Variants in PALM3 observed in about 807,000 individuals in gnomAD.
PALM3 encodes the protein paralemmin 3, also known as paralemmin-3.
A neutral mutation model predicts 27.9 loss-of-function variants in PALM3; 20 were observed. The ratio of observed to expected loss-of-function variants is 0.72; its 90% CI spans 0.50 to 1.04. The LOEUF (loss-of-function observed/expected upper bound fraction) is 1.04. Ranked by LOEUF, PALM3 falls within the 50% of genes least tolerant of loss-of-function variation. PALM3 has a pLI of 0.00. For missense variants in PALM3, 814 were observed against 869.4 expected (o/e 0.94, Z 0.80); for synonymous variants, 328 against 352.7 (o/e 0.93, Z 0.79).
At chr19:14,055,499 AC>A in intron 5 of PALM3, 74 bp from the exon 6 acceptor site, 1 of 1,428,000 alleles carries the variant, frequency 7.0e-7, no homozygotes, top group African/African-American at 1.5e-5. Flanking sequence ...CTAGGCTCCC[AC>A]CCCACCACCC....
At chr19:14,057,678 A>G in intron 2 of PALM3, 1 of 120,118 alleles carries the variant, frequency 8.3e-6, no homozygotes, top group African/African-American at 3.5e-5. Flanking sequence ...CGCGCCCGGG[A>G]TGCTGCGGAG....
intron 3 of PALM3, 73 bp downstream of exon 3, chr19:14,057,278 C>A: frequency 9.1e-7 from 1 of 1,098,202 alleles, no homozygotes; most frequent in South Asian, 1.6e-5. Context: ...TCCTATCGTC[C>A]CCCAAACCGA....
Position 14,059,173 on chromosome 19 carries a change from G to A in PALM3, c.42-10C>T. ...GCTCTCCGCCATGGGCCTGTTGGGAGAGGGCAGGGGCTTCGAGGGGCTCCC... is the reference window on the plus strand; with the variant it reads ...GCTCTCCGCCATGGGCCTGTTGGGAAAGGGCAGGGGCTTCGAGGGGCTCCC... On this transcript the variant is annotated splice_polypyrimidine_tract_variant and intron_variant, in intron 1 of 6. Coordinates refer to ENST00000669674, the MANE Select transcript of PALM3 (RefSeq NM_001145028.2). 2 of 1,442,254 alleles carry A rather than the reference G, an allele frequency of 1.4e-6. No individual in the cohort carries two copies. The highest frequency in any genetic ancestry group is 1.8e-6 in the Non-Finnish European group (2 of 1,100,042). The allele number at this position is 1,442,254 out of a possible 1,614,324, so 89.3% of individuals were successfully genotyped here.
chr19:14,054,287 C>G lies in PALM3; in HGVS notation c.1385G>C (p.Arg462Thr). The change falls in exon 7 of 7, where the codon AGG becomes ACG. Residue 462 changes from arginine to threonine, a missense_variant. Transcript: ENST00000669674. ...GCCCAGTGGTTCCTCACCTCCTTCCCTCTCTGTTCCCAGCTTTTCTGCACT... is the reference window on the plus strand; with the variant it reads ...GCCCAGTGGTTCCTCACCTCCTTCCGTCTCTGTTCCCAGCTTTTCTGCACT... ...RGSAEKLGTE[R>T]EGGEEPLGIE... 1 of 1,552,254 alleles carries G rather than the reference C, an allele frequency of 6.4e-7. No homozygotes were observed.
intron 2 of PALM3, 87 bp downstream of exon 2, chr19:14,059,027 GC>G: frequency 7.9e-7 from 1 of 1,266,464 alleles, no homozygotes; most frequent in South Asian, 1.7e-5. Context: ...GGAGCTGAGG[GC>G]GCTCTCCGCA....
Position 14,056,773 on chromosome 19 carries a change from T to G in PALM3, c.203A>C (p.Asp68Ala), listed in dbSNP as rs1430493064. Residue 68 changes from aspartate to alanine, a missense_variant, in exon 4 of 7, where the codon GAT (aspartate) becomes GCT (alanine). By Grantham distance (126) the Asp-to-Ala change is moderately radical. Coordinates refer to ENST00000669674, the MANE Select transcript of PALM3 (RefSeq NM_001145028.2). ...RKSLRERWLMDGAAAVPEPSE... is the reference protein window; with the variant it reads ...RKSLRERWLMAGAAAVPEPSE... The stretch of plus-strand genomic sequence containing the variant: ...TGGCTCTGGCACTGCAGCTGCCCCA[T>G]CCATTAGCCAACGTTCCCGGAGAGA... 1.3e-6 allele frequency: 2 copies of G among 1,550,996 alleles called. No individual in the cohort carries two copies. The highest frequency in any genetic ancestry group is 1.7e-6 in the Non-Finnish European group (2 of 1,146,692).
chr19:14,059,147 A>C lies in PALM3; in HGVS notation c.58T>G (p.Ser20Ala), dbSNP rs936573902. ...ACTTCTAGCCGCTGCCGGTAGAGGG[A>C]GCTCTCCGCCATGGGCCTGTTGGGA... ...LATPMPMAES[S>A]LYRQRLEVIA... The change falls in exon 2 of 7, where the codon TCC becomes GCC. Residue 20 changes from serine (S) to alanine (A), a missense_variant. Transcript: ENST00000669674. 2.8e-6 allele frequency: 4 copies of C among 1,436,564 alleles called. No individual in the cohort carries two copies. The highest frequency in any genetic ancestry group is 2.7e-6 in the Non-Finnish European group (3 of 1,096,108). 89.0% of individuals were successfully genotyped at this position (1,436,564 alleles called of 1,614,324 possible).
chr19:14,056,920 C>T (rs1294251665), intron 3 of PALM3, 116 bp from the exon 4 acceptor site: 1 of 911,370 alleles, frequency 1.1e-6, no homozygotes, highest in South Asian at 1.8e-5. Flanking sequence ...CAACCAGTTG[C>T]GACATACATC....
chr19:14,058,001 G>A (rs1976343213), intron 2 of PALM3, among the ~76,000 whole-genome samples: 1 of 152,190 alleles, frequency 6.6e-6, no homozygotes, highest in Admixed American at 6.5e-5. Flanking sequence ...CCAGCTACCG[G>A]GGAGGCTGAG....
rs1387532376 is a variant in PALM3 at position 14,054,099 on chromosome 19, CCTTT to C, written c.1569_1572del (p.Lys524GlufsTer29). 6.4e-7 allele frequency: 1 copy of C among 1,551,670 alleles called. No individual in the cohort carries two copies. The highest frequency in any genetic ancestry group is 8.7e-7 in the Non-Finnish European group (1 of 1,147,020). On this transcript the variant is annotated frameshift_variant, in exon 7 of 7. Transcript: ENST00000669674. LOFTEE classifies it low-confidence loss of function (END_TRUNC). ...TCTGCCTCCAGTGTCTCCTCCCCTC[CCTTT>C]CTCTCTGCCTCCAGTGGTTCTTTGG...
In PALM3 at chr19:14,057,404, G is replaced by A. The variant is rs778630846; in HGVS notation, c.118C>T (p.Arg40Cys). ...TCCTCCACCTCCCGGCGCGCGGCGC[G>A]GATCTCCTCCTGCAGCCGCCGCTTC... ...AEKRRLQEEIRAARREVEEEK... is the reference protein window; with the variant it reads ...AEKRRLQEEICAARREVEEEK... Residue 40 changes from arginine to cysteine, a missense_variant, in exon 3 of 7, where the codon CGC becomes TGC. Arg to Cys is a radical substitution (Grantham distance 180). Transcript: ENST00000669674. The A allele has an allele frequency of 1.5e-5, 23 of 1,543,376 alleles. No individual in the cohort carries two copies. The highest frequency in any genetic ancestry group is 2.7e-5 in the African/African-American group (2 of 72,738).
chr19:14,059,085 T>G (rs1321433824), intron 2 of PALM3, 30 bp downstream of exon 2: 2 of 1,448,072 alleles, frequency 1.4e-6, no homozygotes, highest in Non-Finnish European at 9.1e-7. Flanking sequence ...AGTTTGGGGG[T>G]GCCCAGGGCG....
chr19:14,057,340 C>G lies in PALM3; in HGVS notation c.171+11G>C. ...CCCCAGGCTAGGCAGGCGCCCCCGC[C>G]CGCCCCCAACCTTGAGACGCTCCAC... On this transcript the variant is annotated intron_variant, in intron 3 of 6. Transcript: ENST00000669674. 1 of 1,537,958 alleles carries G rather than the reference C, an allele frequency of 6.5e-7. No homozygotes were observed. The highest frequency in any genetic ancestry group is 2.5e-5 in the East Asian group (1 of 39,516).
At position 14,054,535 on chromosome 19, in the gene PALM3, G is replaced by A. The variant is rs957998192; in HGVS notation, c.1137C>T (p.Pro379=). Reference sequence around the variant, plus strand: ...CTCCTCTCTCCCTCCCTGCCACCTCGGGCCCTTCCAACCCCTCCACCAGCA... The same window carrying A: ...CTCCTCTCTCCCTCCCTGCCACCTCAGGCCCTTCCAACCCCTCCACCAGCA... ...EELLVEGLEG[P]EVAGRERGDE... Residue 379 remains proline (P), a synonymous_variant, in exon 7 of 7, where the codon CCC becomes CCT. Coordinates refer to ENST00000669674, the MANE Select transcript of PALM3 (RefSeq NM_001145028.2). The A allele has an allele frequency of 1.7e-5, 26 of 1,551,012 alleles. No homozygotes were observed. The highest frequency in any genetic ancestry group is 9.8e-5 in the East Asian group (4 of 40,864).
At position 14,056,745 on chromosome 19, in the gene PALM3, G is replaced by A. The variant is rs376233416; in HGVS notation, c.231C>T (p.Ser77=). The change falls in exon 4 of 7, where the codon TCC becomes TCT. Residue 77 remains serine (S), a synonymous_variant. Transcript: ENST00000669674. ...GGGGGTCCTTCGAGGTGGGGTCTTCGGATGGCTCTGGCACTGCAGCTGCCC... is the reference window on the plus strand; with the variant it reads ...GGGGGTCCTTCGAGGTGGGGTCTTCAGATGGCTCTGGCACTGCAGCTGCCC... The part of the protein sequence containing the change: ...MDGAAAVPEP[S]EDPTSKDPQS... 5.2e-6 allele frequency: 8 copies of A among 1,551,506 alleles called. No homozygotes were observed. Among genetic ancestry groups the A allele is most frequent in the Admixed American group, 2.0e-5 (1 of 50,976 alleles).
chr19:14,054,252 TTC>T lies in PALM3; in HGVS notation c.1418_1419del (p.Arg473LysfsTer3), dbSNP rs1568506245. 1.9e-6 allele frequency: 3 copies of T among 1,552,060 alleles called. No homozygotes were observed. Among genetic ancestry groups the T allele is most frequent in the Non-Finnish European group, 2.6e-6 (3 of 1,147,072 alleles). Reference protein sequence around the residue: ...EGGEEPLGIERKVEGHLRAEK... With the variant: ...EGGEEPLGIEXKVEGHLRAEK... The stretch of plus-strand genomic sequence containing the variant: ...TCTGCCCTCAAATGTCCCTCAACTT[TTC>T]TCTCTATGCCCAGTGGTTCCTCACC... On this transcript the variant is annotated frameshift_variant, in exon 7 of 7. Transcript: ENST00000669674. LOFTEE classifies it low-confidence loss of function (END_TRUNC).
In PALM3 at chr19:14,061,490, C is replaced by T. The variant is rs1976413445; in HGVS notation, c.41+450G>A. 2.0e-5 allele frequency among the ~76,000 whole-genome samples: 3 copies of T among 152,294 alleles called. No individual in the cohort carries two copies. The South Asian group carries it at 6.2e-4, about 32-fold the overall frequency. On this transcript the variant is annotated intron_variant, in intron 1 of 6. Coordinates refer to ENST00000669674, the MANE Select transcript of PALM3 (RefSeq NM_001145028.2). ...TCTGGCCACCCGCAAGAGTTGGTGGCCATTTCATGAAGGAGGTCATCCTTG... is the reference window on the plus strand; with the variant it reads ...TCTGGCCACCCGCAAGAGTTGGTGGTCATTTCATGAAGGAGGTCATCCTTG...
Position 14,055,217 on chromosome 19 carries a change from T to G in PALM3, c.455A>C (p.Asp152Ala), listed in dbSNP as rs1976282308. ...CGGCAGGGAGGCTCTCTTGTTCAGA[T>G]CAGTCTGGCCTGGGGGAGTCAGAGG... is the stretch of plus-strand genomic sequence containing the variant. ...IVEAGSVGQT[D>A]LNKRASLPAG... Residue 152 changes from aspartate to alanine, a missense_variant, in exon 7 of 7, where the codon GAT (aspartate) becomes GCT (alanine). By Grantham distance (126) the Asp-to-Ala change is moderately radical (BLOSUM62 -2). Coordinates refer to ENST00000669674, the MANE Select transcript of PALM3 (RefSeq NM_001145028.2). The G allele has an allele frequency of 6.7e-7, 1 of 1,499,772 alleles. No individual in the cohort carries two copies. The highest frequency in any genetic ancestry group is 8.8e-7 in the Non-Finnish European group (1 of 1,131,414). The allele number at this position is 1,499,772 out of a possible 1,614,324, so 92.9% of individuals were successfully genotyped here.
In PALM3 at chr19:14,053,546, G is replaced by T. The variant is rs2145700074; in HGVS notation, c.*59C>A. On this transcript the variant is annotated 3_prime_UTR_variant, in exon 7 of 7. Coordinates refer to ENST00000669674, the MANE Select transcript of PALM3 (RefSeq NM_001145028.2). The stretch of plus-strand genomic sequence containing the variant: ...GTCTGTGCCTGGGACCCTCTTCTGG[G>T]TGCCAAGAGGCCGAGGTAGCTGTGA... The T allele has an allele frequency of 1.4e-6, 2 of 1,427,630 alleles. No individual in the cohort carries two copies. Among genetic ancestry groups the T allele is most frequent in the East Asian group, 5.2e-5 (2 of 38,446 alleles). The allele number at this position is 1,427,630 out of a possible 1,614,324, so 88.4% of individuals were successfully genotyped here. A position where few individuals can be genotyped will look rare whatever the true frequency, so the allele number is the denominator to read the frequency against.
Sources: gnomAD v4.1 joint callset for allele counts (sites outside exome capture counted in the v4.1 genomes callset) on GRCh38, gnomAD v4.1.1 for gene constraint, MANE v1.5 for transcripts, NCBI Gene and HGNC (gene_info 2026-07-23, HGNC 2026-07-21) for gene names.